MAPK4: variants seen among roughly 807,000 people sequenced by gnomAD.
MAPK4 encodes Erk3-related.
In MAPK4, 22 loss-of-function variants were observed where a neutral mutation model predicts 47.7. The observed-to-expected ratio is 0.46, with a 90% CI of 0.33 to 0.66. MAPK4 has a LOEUF of 0.66. Among genes scored for constraint, MAPK4 ranks in the 30% least tolerant of loss-of-function variants. The pLI, the probability that MAPK4 is intolerant of heterozygous loss-of-function variation, is 0.02. For synonymous variants in MAPK4, 390 were observed against 365.7 expected, an observed-to-expected ratio of 1.07 and a Z score of -0.76; for missense variants, 736 against 831.7, an observed-to-expected ratio of 0.88 and a Z score of 1.42.
At chr18:50,704,613 TCTG>T (rs1909954423) in intron 2 of MAPK4, 1 of 398,570 alleles carries the variant, frequency 2.5e-6, no homozygotes, top group Non-Finnish European at 4.4e-6. Flanking sequence ...CTTTTGTTCT[TCTG>T]AGCGTTCTCT....
At chr18:50,655,760 C>T (rs1349267528) in intron 1 of MAPK4, among the ~76,000 whole-genome samples, 4 of 152,272 alleles carry the variant, frequency 2.6e-5, no homozygotes, top group African/African-American at 9.6e-5. Context: ...TGTGTGGCCT[C>T]CTCCCTTGAA....
At chr18:50,579,621 G>T (rs1020822448) in intron 1 of MAPK4, among the ~76,000 whole-genome samples, 2 of 152,104 alleles carry the variant, frequency 1.3e-5, no homozygotes, top group African/African-American at 4.8e-5. Flanking sequence ...CTGAGTCATA[G>T]CCCAGCCACC....
Position 50,715,261 on chromosome 18 carries a change from C to T in MAPK4, c.691+38C>T, listed in dbSNP as rs558576531. 6.8e-5 allele frequency: 108 copies of T among 1,590,912 alleles called. No individual in the cohort carries two copies. The African/African-American group carries it at 1.1e-3, about 15-fold the overall frequency. On this transcript the variant is annotated intron_variant, in intron 3 of 5. Coordinates refer to ENST00000400384, the MANE Select transcript of MAPK4 (RefSeq NM_002747.4). ...CTATGCCACCTTCCTTCTCATCTGG[C>T]GTCGTTCCATAGAAAGGGGAACTGA... is the stretch of plus-strand genomic sequence containing the variant.
intron 2 of MAPK4, among the ~76,000 whole-genome samples, chr18:50,684,769 G>A (rs764695590): frequency 5.9e-5 from 9 of 152,084 alleles, no homozygotes; most frequent in Non-Finnish European, 1.2e-4. Flanking sequence ...AGGCCTGGGT[G>A]AACAGCCTTG....
intron 1 of MAPK4, among the ~76,000 whole-genome samples, chr18:50,575,792 C>CAAAAAAAAAAAAAAAAAAAAAAAAAAA (rs540138636): frequency 2.9e-5 from 2 of 70,130 alleles, no homozygotes; most frequent in Admixed American, 1.6e-4. Context: ...AATCAACAAG[C>CAAAAAAAAAAAAAAAAAAAAAAAAAAA]AAAAAAAAAA....
chr18:50,585,484 A>G lies in MAPK4; in HGVS notation c.-871+25241A>G, dbSNP rs78505502. Reference sequence around the variant, plus strand: ...TGTTTGACAGTGGGGTAGGTAATATATCAACATGTCTGGTTTTTTCTACAG... The same window carrying G: ...TGTTTGACAGTGGGGTAGGTAATATGTCAACATGTCTGGTTTTTTCTACAG... On this transcript the variant is annotated intron_variant, in intron 1 of 5. Coordinates refer to ENST00000400384, the MANE Select transcript of MAPK4 (RefSeq NM_002747.4). 8.5e-5 allele frequency among the ~76,000 whole-genome samples: 13 copies of G among 152,216 alleles called. No individual in the cohort carries two copies. The East Asian group carries it at 2.5e-3, about 29-fold the overall frequency.
chr18:50,589,590 C>T (rs368946168), intron 1 of MAPK4, among the ~76,000 whole-genome samples: 8 of 120,992 alleles, frequency 6.6e-5, no homozygotes, highest in African/African-American at 2.1e-4. Flanking sequence ...AGCGAGACTC[C>T]GTCTCAAAAA....
At chr18:50,580,844 C>A (rs977983996) in intron 1 of MAPK4, among the ~76,000 whole-genome samples, 7 of 152,338 alleles carry the variant, frequency 4.6e-5, no homozygotes, top group Non-Finnish European at 7.3e-5. Flanking sequence ...TACAGAACTT[C>A]TTTTATACCC....
At chr18:50,724,186 AT>A (rs1251394250) in intron 4 of MAPK4, among the ~76,000 whole-genome samples, 4 of 151,864 alleles carry the variant, frequency 2.6e-5, no homozygotes, top group East Asian at 3.9e-4. Context: ...TAATTTTAAA[AT>A]TTTTTTTGTA....
intron 1 of MAPK4, among the ~76,000 whole-genome samples, chr18:50,628,600 A>G (rs988542667): frequency 6.6e-6 from 1 of 152,200 alleles, no homozygotes; most frequent in Admixed American, 6.5e-5. Context: ...TTTTTATGTC[A>G]GTGTTTTTCA....
chr18:50,579,685 G>T (rs1449540669), intron 1 of MAPK4, among the ~76,000 whole-genome samples: 1 of 152,158 alleles, frequency 6.6e-6, no homozygotes, highest in African/African-American at 2.4e-5. Flanking sequence ...CAATTTGGGG[G>T]CTTACCCAGG....
chr18:50,580,907 G>A (rs1482996911), intron 1 of MAPK4, among the ~76,000 whole-genome samples: 2 of 152,132 alleles, frequency 1.3e-5, no homozygotes, highest in Non-Finnish European at 2.9e-5. Flanking sequence ...ATGATATACT[G>A]AGATGCCTGA....
rs759369279 is a variant in MAPK4, at chr18:50,729,860, G to C, written c.*6G>C. Reference sequence around the variant, plus strand: ...TCTCCAAAGAAAGGTGGTGAGGGCGGAGGGGCCGCTCCAGGCCCCACAGAG... The same window carrying C: ...TCTCCAAAGAAAGGTGGTGAGGGCGCAGGGGCCGCTCCAGGCCCCACAGAG... On this transcript the variant is annotated 3_prime_UTR_variant, in exon 6 of 6. Coordinates refer to ENST00000400384, the MANE Select transcript of MAPK4 (RefSeq NM_002747.4). The C allele has an allele frequency of 2.5e-6, 4 of 1,602,678 alleles. No homozygotes were observed.
chr18:50,690,367 C>T (rs1198625020), intron 2 of MAPK4, among the ~76,000 whole-genome samples: 3 of 152,216 alleles, frequency 2.0e-5, no homozygotes, highest in Non-Finnish European at 4.4e-5. Flanking sequence ...GCAAACCATA[C>T]CAATTTCTTT....
At chr18:50,719,842 C>T (rs945904170) in intron 3 of MAPK4, among the ~76,000 whole-genome samples, 3 of 152,210 alleles carry the variant, frequency 2.0e-5, no homozygotes, top group Admixed American at 6.5e-5. Context: ...TGGTCGCAAT[C>T]GCTTTCAGGT....
intron 1 of MAPK4, among the ~76,000 whole-genome samples, chr18:50,625,739 T>C (rs1045122446): frequency 1.3e-5 from 2 of 152,018 alleles, no homozygotes; most frequent in African/African-American, 2.4e-5. Context: ...GAGATCCTCA[T>C]AGAAAGAAGA....
At position 50,729,175 on chromosome 18, in the gene MAPK4, C is replaced by T; in HGVS notation, c.1085C>T (p.Ser362Leu). Reference sequence around the variant, plus strand: ...CCTTGCAGGTACCCTGTGAGCCTGTCGTCGGACCTGGAGTGGCGGCCTGAC... The same window carrying T: ...CCTTGCAGGTACCCTGTGAGCCTGTTGTCGGACCTGGAGTGGCGGCCTGAC... ...TCSSRYPVSLSSDLEWRPDRC... is the reference protein window; with the variant it reads ...TCSSRYPVSLLSDLEWRPDRC... Residue 362 changes from serine (S) to leucine (L), a missense_variant, in exon 6 of 6, where the codon TCG becomes TTG. Coordinates refer to ENST00000400384, the MANE Select transcript of MAPK4 (RefSeq NM_002747.4). 2 of 1,582,358 alleles carry T rather than the reference C, an allele frequency of 1.3e-6. No individual in the cohort carries two copies. The highest frequency in any genetic ancestry group is 1.7e-6 in the Non-Finnish European group (2 of 1,156,728).
chr18:50,583,558 C>T (rs2042364545), intron 1 of MAPK4, among the ~76,000 whole-genome samples: 1 of 152,154 alleles, frequency 6.6e-6, no homozygotes, highest in Admixed American at 6.5e-5. Flanking sequence ...CACTGCACTC[C>T]AGCCTGGGCA....
intron 4 of MAPK4, among the ~76,000 whole-genome samples, chr18:50,723,416 C>A (rs958688250): frequency 6.6e-6 from 1 of 152,110 alleles, no homozygotes; most frequent in Non-Finnish European, 1.5e-5. Context: ...CAGAAGGGTG[C>A]CAGGATGGAT....
Sources: allele counts gnomAD v4.1 joint callset (sites outside exome capture counted in the v4.1 genomes callset), GRCh38; gene constraint gnomAD v4.1.1; transcripts MANE v1.5; gene names NCBI Gene and HGNC (gene_info 2026-07-23, HGNC 2026-07-21).